FILIP1L: variants seen among roughly 807,000 people sequenced by gnomAD.
FILIP1L encodes filamin A interacting protein 1 like.
A neutral mutation model predicts 96.6 loss-of-function variants in FILIP1L; 55 were observed. The ratio of observed to expected loss-of-function variants is 0.57; its 90% confidence interval spans 0.46 to 0.71. FILIP1L has a LOEUF of 0.71. Ranked by LOEUF, FILIP1L falls within the 30% of genes least tolerant of loss-of-function variation. The pLI, the probability that FILIP1L is intolerant of heterozygous loss-of-function variation, is 0.00. For synonymous variants in FILIP1L, 467 were observed against 473.9 expected (o/e 0.99, Z 0.19); for missense variants, 1,304 against 1,321.2 (o/e 0.99, Z 0.20).
intron 5 of FILIP1L, among the ~76,000 whole-genome samples, chr3:99,840,680 A>C (rs1270862482): frequency 1.3e-5 from 2 of 152,220 alleles, no homozygotes; most frequent in Non-Finnish European, 2.9e-5. Flanking sequence ...TAAATGATTT[A>C]AGGAGGGTGG....
intron 1 of FILIP1L, among the ~76,000 whole-genome samples, chr3:99,965,186 G>A (rs1295238228): frequency 6.6e-6 from 1 of 152,234 alleles, no homozygotes; most frequent in Admixed American, 6.5e-5. Flanking sequence ...ACTGTGAGAT[G>A]AGGGATATGT....
chr3:100,044,444 AG>A (rs2065250082), intron 1 of FILIP1L, among the ~76,000 whole-genome samples: 1 of 152,236 alleles, frequency 6.6e-6, no homozygotes, highest in African/African-American at 2.4e-5. Context: ...AAGAATGAGT[AG>A]GAGTTAGCCA....
At chr3:99,959,595 T>G (rs1211483124) in intron 1 of FILIP1L, among the ~76,000 whole-genome samples, 1 of 152,218 alleles carries the variant, frequency 6.6e-6, no homozygotes, top group East Asian at 1.9e-4. Flanking sequence ...TATAATTTCT[T>G]TAGCAGTCTG....
At chr3:100,059,991 C>T (rs2065532312) in intron 1 of FILIP1L, among the ~76,000 whole-genome samples, 1 of 148,814 alleles carries the variant, frequency 6.7e-6, no homozygotes, top group African/African-American at 2.5e-5. Context: ...AAATGTGACC[C>T]ATATGACTAG....
In FILIP1L at chr3:99,850,340, A is replaced by G. The variant is rs569046690; in HGVS notation, c.1336T>C (p.Cys446Arg). The change falls in exon 5 of 6, where the codon TGC becomes CGC. Residue 446 changes from cysteine (C) to arginine (R), a missense_variant. Physicochemically the swap from Cys to Arg is radical, Grantham distance 180. Transcript: ENST00000477258. ...KSKQECYSLK[C>R]NLEKERMTTK... ...GTCATCCTTTCTTTTTCTAAATTGC[A>G]TTTCAGAGAGTAGCATTCTTGTTTG... 1.4e-4 allele frequency: 227 copies of G among 1,612,802 alleles called. 2 individuals are homozygous for G. The South Asian group carries it at 2.2e-3, about 16-fold the overall frequency.
chr3:100,032,709 T>A (rs1406272584), intron 1 of FILIP1L, among the ~76,000 whole-genome samples: 2 of 152,178 alleles, frequency 1.3e-5, no homozygotes, highest in Non-Finnish European at 2.9e-5. Flanking sequence ...ATGAATAATT[T>A]ATGGGCAGTT....
intron 1 of FILIP1L, among the ~76,000 whole-genome samples, chr3:100,063,558 A>C (rs1459261816): frequency 6.6e-6 from 1 of 152,206 alleles, no homozygotes; most frequent in Non-Finnish European, 1.5e-5. Flanking sequence ...ACCCTGCATA[A>C]TTAGCAACTA....
intron 1 of FILIP1L, among the ~76,000 whole-genome samples, chr3:99,937,704 T>A (rs1220295203): frequency 6.6e-6 from 1 of 152,222 alleles, no homozygotes; most frequent in Admixed American, 6.5e-5. Flanking sequence ...GATTGAATCA[T>A]GCAGTCCTCA....
intron 1 of FILIP1L, among the ~76,000 whole-genome samples, chr3:100,099,347 G>T (rs1477535428): frequency 6.6e-6 from 1 of 152,030 alleles, no homozygotes; most frequent in Non-Finnish European, 1.5e-5. Flanking sequence ...AATCCTATCA[G>T]AATTATGCAT....
intron 1 of FILIP1L, among the ~76,000 whole-genome samples, chr3:99,986,627 T>G (rs1377721613): frequency 3.9e-5 from 6 of 151,996 alleles, no homozygotes; most frequent in Non-Finnish European, 4.4e-5. Context: ...GAGAAGAAAT[T>G]GAAGAAATTG....
chr3:100,098,882 A>G (rs1232101770), intron 1 of FILIP1L, among the ~76,000 whole-genome samples: 1 of 152,164 alleles, frequency 6.6e-6, no homozygotes, highest in Non-Finnish European at 1.5e-5. Flanking sequence ...GATAAGAAAT[A>G]TTTTTGATTC....
At chr3:99,999,001 A>G (rs1160291346) in intron 1 of FILIP1L, among the ~76,000 whole-genome samples, 2 of 152,316 alleles carry the variant, frequency 1.3e-5, no homozygotes, top group East Asian at 3.9e-4. Flanking sequence ...TTATTCTTTA[A>G]TACTTAGCTT....
At chr3:99,831,232 G>A (rs562563616) in intron 5 of FILIP1L, among the ~76,000 whole-genome samples, 7 of 152,254 alleles carry the variant, frequency 4.6e-5, no homozygotes, top group South Asian at 2.1e-4. Context: ...TTGTTAATGA[G>A]GCCAAAGCTT....
intron 5 of FILIP1L, among the ~76,000 whole-genome samples, chr3:99,836,017 G>A (rs1034584495): frequency 1.3e-5 from 2 of 152,172 alleles, no homozygotes; most frequent in Non-Finnish European, 2.9e-5. Context: ...AGTTTCAAAG[G>A]GAGATGAAAC....
intron 4 of FILIP1L, among the ~76,000 whole-genome samples, chr3:99,879,711 T>G (rs114575883): frequency 2.3e-3 from 345 of 152,352 alleles, no homozygotes; most frequent in African/African-American, 8.0e-3. Flanking sequence ...AGCTATGAGA[T>G]GGTAATGCTA....
chr3:99,907,132 G>A (rs189442121), intron 4 of FILIP1L, among the ~76,000 whole-genome samples: 49 of 152,308 alleles, frequency 3.2e-4, no homozygotes, highest in African/African-American at 1.2e-3. Context: ...TATACTGGAA[G>A]CAGCCCTTCA....
At chr3:99,987,542 A>G (rs1311788293) in intron 1 of FILIP1L, among the ~76,000 whole-genome samples, 1 of 151,658 alleles carries the variant, frequency 6.6e-6, no homozygotes, top group African/African-American at 2.4e-5. Flanking sequence ...AAAAAAAAAA[A>G]AAAAGAAAGA....
At chr3:99,948,700 G>C (rs1269003652) in intron 1 of FILIP1L, among the ~76,000 whole-genome samples, 3 of 149,288 alleles carry the variant, frequency 2.0e-5, no homozygotes, top group African/African-American at 7.4e-5. Context: ...AAAGGAGAGA[G>C]AAAGGGAGAG....
At chr3:99,907,163 G>A (rs1706644324) in intron 4 of FILIP1L, among the ~76,000 whole-genome samples, 1 of 152,114 alleles carries the variant, frequency 6.6e-6, no homozygotes, top group Admixed American at 6.6e-5. Flanking sequence ...TCAGCTTCTT[G>A]TACTCTTAAT....
Sources: gnomAD v4.1 joint callset for allele counts (sites outside exome capture counted in the v4.1 genomes callset) on GRCh38, gnomAD v4.1.1 for gene constraint, MANE v1.5 for transcripts, NCBI Gene and HGNC (gene_info 2026-07-23, HGNC 2026-07-21) for gene names.